Variants in TLE4 observed in about 807,000 individuals in gnomAD.
TLE4 encodes transducin-like enhancer protein 4.
In TLE4, 8 loss-of-function variants were observed where a neutral mutation model predicts 92.8. That is an observed-to-expected ratio of 0.09 (90% confidence interval 0.05 to 0.16). The LOEUF (loss-of-function observed/expected upper bound fraction) is 0.16, where lower values mean the gene tolerates loss of function less well. TLE4 is among the 10% of genes least tolerant of loss of function. The pLI, the probability that TLE4 is intolerant of heterozygous loss-of-function variation, is 1.00. For synonymous variants in TLE4, 371 were observed against 374.1 expected (o/e 0.99, Z 0.10); for missense variants, 675 against 997.6 (o/e 0.68, Z 4.36).
At chr9:79,720,590 T>C (rs1288506144) in intron 16 of TLE4, among the ~76,000 whole-genome samples, 1 of 152,124 alleles carries the variant, frequency 6.6e-6, no homozygotes, top group African/African-American at 2.4e-5. Context: ...CCAATTTGTT[T>C]TAATAAAATG....
At chr9:79,710,415 TCC>T (rs906180005) in intron 14 of TLE4, among the ~76,000 whole-genome samples, 4 of 152,184 alleles carry the variant, frequency 2.6e-5, no homozygotes, top group African/African-American at 9.7e-5. Context: ...TTGGGAAGCC[TCC>T]CCCGCAGATC....
intron 4 of TLE4, chr9:79,601,588 A>T (rs1380559073): frequency 4.8e-6 from 2 of 418,588 alleles, no homozygotes; most frequent in Non-Finnish European, 9.5e-6. Flanking sequence ...CTTTGATGTT[A>T]CTATTGTAAT....
intron 17 of TLE4, among the ~76,000 whole-genome samples, 161 bp downstream of exon 17, chr9:79,722,049 C>A (rs2075734622): frequency 6.6e-6 from 1 of 152,120 alleles, no homozygotes; most frequent in African/African-American, 2.4e-5. Context: ...CCTGTAGTCC[C>A]AGCTACTTAG....
At chr9:79,668,939 T>C in intron 8 of TLE4, 4 of 562,584 alleles carry the variant, frequency 7.1e-6, no homozygotes, top group Non-Finnish European at 9.0e-6. Context: ...GAATTATCAA[T>C]GCAGGTTACT....
intron 5 of TLE4, among the ~76,000 whole-genome samples, chr9:79,625,859 T>A (rs1212652233): frequency 6.6e-6 from 1 of 150,548 alleles, no homozygotes; most frequent in East Asian, 1.9e-4. Flanking sequence ...AATGGACATA[T>A]CTATAAATAG....
rs2059400854 is a variant in TLE4, at chr9:79,653,970, T to G, written c.593-89T>G. ...TTTAGCAGAGATCAAGTTTGATAAA[T>G]CAGTATGATTTTATGTAAACTAACT... On this transcript the variant is annotated intron_variant, in intron 7 of 19. Transcript: ENST00000376552. 7 of 1,399,060 alleles carry G rather than the reference T, an allele frequency of 5.0e-6. No individual in the cohort carries two copies. In the South Asian group the frequency reaches 7.0e-5, roughly 14 times the overall value. 86.7% of individuals were successfully genotyped at this position (1,399,060 alleles called of 1,614,324 possible).
chr9:79,678,408 C>T (rs1171952652), intron 8 of TLE4, among the ~76,000 whole-genome samples: 1 of 151,610 alleles, frequency 6.6e-6, no homozygotes, highest in Non-Finnish European at 1.5e-5. Flanking sequence ...CTAATCCTAA[C>T]TTCATCTTTT....
At chr9:79,606,187 GTTTTTTTTTTTT>G (rs71364420) in intron 4 of TLE4, among the ~76,000 whole-genome samples, 286 of 28,686 alleles carry the variant, frequency 1.0e-2, no homozygotes, top group African/African-American at 0.017. Context: ...AGTAGTAGTT[GTTTTTTTTTTTT>G]TTTTTTTTTT....
chr9:79,706,419 A>G (rs1007071549), intron 10 of TLE4, among the ~76,000 whole-genome samples: 4 of 149,876 alleles, frequency 2.7e-5, no homozygotes, highest in African/African-American at 9.9e-5. Context: ...TTCTTATTCT[A>G]TTAAGAATAA....
At chr9:79,671,477 T>C (rs577846333) in intron 8 of TLE4, 33 of 310,014 alleles carry the variant, frequency 1.1e-4, no homozygotes, top group Non-Finnish European at 1.7e-4. Context: ...CCTCCAGTGT[T>C]GTAAACCATA....
intron 4 of TLE4, among the ~76,000 whole-genome samples, chr9:79,609,291 TC>T (rs981372673): frequency 1.3e-5 from 2 of 152,134 alleles, no homozygotes; most frequent in African/African-American, 4.8e-5. Context: ...CTGTTGACAG[TC>T]ACATGTCATG....
intron 8 of TLE4, among the ~76,000 whole-genome samples, chr9:79,680,979 A>G (rs1014166481): frequency 6.6e-6 from 1 of 152,120 alleles, no homozygotes; most frequent in Non-Finnish European, 1.5e-5. Flanking sequence ...GATGAAGCCC[A>G]CTTGATCATG....
chr9:79,721,178 G>A (rs746877969), intron 16 of TLE4, among the ~76,000 whole-genome samples: 2 of 152,174 alleles, frequency 1.3e-5, no homozygotes, highest in Non-Finnish European at 2.9e-5. Context: ...GTTTTCTCCT[G>A]GTGACCTTGG....
At chr9:79,626,091 A>C (rs2052542747) in intron 5 of TLE4, among the ~76,000 whole-genome samples, 1 of 152,122 alleles carries the variant, frequency 6.6e-6, no homozygotes, top group African/African-American at 2.4e-5. Flanking sequence ...CTATTAGGAA[A>C]CCAAGAGTGA....
rs563376510 is a variant in TLE4, at chr9:79,611,224, C to T, written c.253-1432C>T. Among the ~76,000 whole-genome samples the T allele has an allele frequency of 3.9e-5, 6 of 152,164 alleles. No homozygotes were observed. The South Asian group carries it at 6.2e-4, about 16-fold the overall frequency. On this transcript the variant is annotated intron_variant, in intron 4 of 19. Coordinates refer to ENST00000376552, the MANE Select transcript of TLE4 (RefSeq NM_007005.6). ...TTGCAGCTCTTCATGGTGGCTTAAGCATTCTTAAAGGATGGCTAAATGCTC... is the reference window on the plus strand; with the variant it reads ...TTGCAGCTCTTCATGGTGGCTTAAGTATTCTTAAAGGATGGCTAAATGCTC...
chr9:79,617,431 A>G (rs1375187966), intron 5 of TLE4, among the ~76,000 whole-genome samples: 1 of 152,180 alleles, frequency 6.6e-6, no homozygotes, highest in Non-Finnish European at 1.5e-5. Flanking sequence ...AGGTGTTCCT[A>G]AGATCTTTGA....
chr9:79,676,249 A>T (rs573326365), intron 8 of TLE4, among the ~76,000 whole-genome samples: 2 of 152,292 alleles, frequency 1.3e-5, no homozygotes, highest in African/African-American at 4.8e-5. Context: ...TAAATAAATT[A>T]TTGCTTTTGT....
At chr9:79,583,237 C>T (rs973897371) in intron 4 of TLE4, among the ~76,000 whole-genome samples, 3 of 152,176 alleles carry the variant, frequency 2.0e-5, no homozygotes, top group Non-Finnish European at 2.9e-5. Flanking sequence ...TGGAGAGCTG[C>T]ACGTGTAACC....
At chr9:79,617,948 G>A (rs1164748015) in intron 5 of TLE4, among the ~76,000 whole-genome samples, 1 of 152,018 alleles carries the variant, frequency 6.6e-6, no homozygotes, top group African/African-American at 2.4e-5. Flanking sequence ...CTTTTATATC[G>A]ACGTTCATCA....
Sources: allele counts gnomAD v4.1 joint callset (sites outside exome capture counted in the v4.1 genomes callset), GRCh38; gene constraint gnomAD v4.1.1; transcripts MANE v1.5; gene names NCBI Gene and HGNC (gene_info 2026-07-23, HGNC 2026-07-21).